CROCC: variants seen among roughly 807,000 people sequenced by gnomAD.
CROCC encodes rootletin.
CROCC carries 180 observed loss-of-function variants against 245.2 expected under a neutral mutation model. The observed-to-expected ratio is 0.73, with a 90% CI of 0.65 to 0.83. CROCC has a LOEUF of 0.83. Ranked by LOEUF, CROCC falls within the 40% of genes least tolerant of loss-of-function variation. The pLI is 0.00. For synonymous variants in CROCC, 1,205 were observed against 1,241.6 expected, an observed-to-expected ratio of 0.97 and a Z score of 0.62; for missense variants, 2,688 against 2,779.4, an observed-to-expected ratio of 0.97 and a Z score of 0.74.
chr1:16,946,185 G>A, intron 15 of CROCC, 74 bp from the exon 16 acceptor site: 1 of 1,511,648 alleles, frequency 6.6e-7, no homozygotes, highest in African/African-American at 1.4e-5. Context: ...CATCTCTCTG[G>A]GTCTCTTCTT....
chr1:16,941,688 C>A (rs1159285135), intron 13 of CROCC, among the ~76,000 whole-genome samples: 1 of 151,010 alleles, frequency 6.6e-6, no homozygotes, highest in East Asian at 2.0e-4. Context: ...GCCGAGATGG[C>A]GCCACTGCAC....
At chr1:16,965,913 C>A (rs1034162576) in intron 28 of CROCC, 21 bp downstream of exon 28, 1 of 1,606,822 alleles carries the variant, frequency 6.2e-7, no homozygotes, top group Non-Finnish European at 8.5e-7. Flanking sequence ...GTGTGCATGG[C>A]TGGATGGGGA....
rs772389495 is a variant in CROCC, at chr1:16,936,779, C to G, written c.1099C>G (p.Leu367Val). The G allele has an allele frequency of 6.2e-7, 1 of 1,611,822 alleles. No individual in the cohort carries two copies. Among genetic ancestry groups the G allele is most frequent in the South Asian group, 1.1e-5 (1 of 90,998 alleles). ...LEKQALLQAQ[L>V]EEQLRDKVLR... The stretch of plus-strand genomic sequence containing the variant: ...GAAACAGGCCCTGCTGCAGGCCCAG[C>G]TGGAGGAGCAGCTGCGGGACAAGGT... The change falls in exon 9 of 37, where the codon CTG becomes GTG. Residue 367 changes from leucine (L) to valine (V), a missense_variant. Physicochemically the swap from Leu to Val is conservative, Grantham distance 32. This residue lies in a region of CROCC where 972 missense variants were observed against 895.3 expected (regional missense o/e 1.09). Transcript: ENST00000375541.
chr1:16,954,824 C>A lies in CROCC; in HGVS notation c.3412C>A (p.Leu1138Met). The change falls in exon 23 of 37, where the codon CTG becomes ATG. Residue 1138 changes from leucine to methionine, a missense_variant. Physicochemically the swap from Leu to Met is conservative, Grantham distance 15. Around this residue, in one of 9 missense-constraint regions of CROCC, gnomAD observed 1,218 missense variants for 1,286.3 expected, o/e 0.95. Transcript: ENST00000375541. This position sits in a 1 kb window ranked among gnomAD's most constrained non-coding sequence, Gnocchi z 4.4. ...GGCCCACGCCCAGGAGGTGAGGAGG[C>A]TGCAAGAGCAGGCCCGAGACCTGGG... Reference protein sequence around the residue: ...AAAHAQEVRRLQEQARDLGKQ... With the variant: ...AAAHAQEVRRMQEQARDLGKQ... The A allele has an allele frequency of 6.4e-7, 1 of 1,551,370 alleles. No individual in the cohort carries two copies. Among genetic ancestry groups the A allele is most frequent in the Non-Finnish European group, 8.7e-7 (1 of 1,147,062 alleles).
upstream of CROCC, among the ~76,000 whole-genome samples, chr1:16,920,005 C>T (rs1324437672): frequency 6.6e-6 from 1 of 152,208 alleles, no homozygotes; most frequent in Non-Finnish European, 1.5e-5. Context: ...GATTCCCCTG[C>T]CTCAGCCTCC....
At chr1:16,967,788 G>A (rs142263904) in intron 30 of CROCC, among the ~76,000 whole-genome samples, 3 of 152,246 alleles carry the variant, frequency 2.0e-5, no homozygotes, top group Admixed American at 6.5e-5. Context: ...AGAACTGTCC[G>A]GCTCAGCTCA....
intron 17 of CROCC, among the ~76,000 whole-genome samples, chr1:16,947,292 C>T (rs1227386110): frequency 6.6e-6 from 1 of 152,246 alleles, no homozygotes; most frequent in African/African-American, 2.4e-5. Context: ...TCCTGGCTAA[C>T]ACGGTGAAAC....
chr1:16,969,758 C>G, intron 32 of CROCC, 27 bp from the exon 33 acceptor site: 3 of 1,601,572 alleles, frequency 1.9e-6, no homozygotes. Context: ...CCAGGCCAGC[C>G]AGGCACCATC....
upstream of CROCC, among the ~76,000 whole-genome samples, chr1:16,917,240 C>T (rs2075317236): frequency 6.6e-6 from 1 of 152,308 alleles, no homozygotes; most frequent in Non-Finnish European, 1.5e-5. Flanking sequence ...GCTGAGACTT[C>T]ACGCTGTCAT....
intron 1 of CROCC, among the ~76,000 whole-genome samples, chr1:16,915,119 G>A (rs563579852): frequency 6.6e-6 from 1 of 152,266 alleles, no homozygotes; most frequent in African/African-American, 2.4e-5. Context: ...AGTGGCCCCT[G>A]TGGGGGTCAC....
chr1:16,921,821 C>G (rs1312781435), upstream of CROCC: 1 of 601,216 alleles, frequency 1.7e-6, no homozygotes, highest in Non-Finnish European at 3.0e-6. Flanking sequence ...CTTCCCTCCT[C>G]TCCTGTCCTT....
intron 14 of CROCC, among the ~76,000 whole-genome samples, chr1:16,944,894 T>C (rs1162372030): frequency 6.6e-6 from 1 of 152,224 alleles, no homozygotes; most frequent in East Asian, 1.9e-4. Flanking sequence ...TGAAGGTCCT[T>C]GGGGAGATGT....
intron 1 of CROCC, among the ~76,000 whole-genome samples, chr1:16,915,224 A>G (rs552366866): frequency 1.3e-4 from 20 of 152,402 alleles, no homozygotes; most frequent in Admixed American, 1.2e-3. Flanking sequence ...TGTGGCTGAC[A>G]CCATCTGTGG....
In CROCC at chr1:16,972,620, G is replaced by A. The variant is rs1476247532; in HGVS notation, c.*174G>A. 2 of 540,110 alleles carry A rather than the reference G, an allele frequency of 3.7e-6. No homozygotes were observed. Among genetic ancestry groups the A allele is most frequent in the African/African-American group, 2.0e-5 (1 of 50,668 alleles). The allele number at this position is 540,110 out of a possible 1,614,324, so 33.5% of individuals were successfully genotyped here. ...GTACTCCAGCTCCAGGCCTGGAGAG[G>A]CTTCCCAGCAACACCTGCAGTCCAG... On this transcript the variant is annotated 3_prime_UTR_variant, in exon 37 of 37. Coordinates refer to ENST00000375541, the MANE Select transcript of CROCC (RefSeq NM_014675.5).
rs774050201 is a variant in CROCC at position 16,936,844 on chromosome 1, C to T, written c.1164C>T (p.Ser388=). Residue 388 remains serine, a synonymous_variant, in exon 9 of 37, where the codon AGC becomes AGT. Transcript: ENST00000375541. ...ACCTGGCGCAGCAGCAGATGCAAAG[C>T]GACCTGGACAAGGCTGACCTCAGTG... ...EKDLAQQQMQ[S]DLDKADLSAR... is the part of the protein sequence containing the mutation. 30 of 1,612,180 alleles carry T rather than the reference C, an allele frequency of 1.9e-5. No homozygotes were observed. Among genetic ancestry groups the T allele is most frequent in the African/African-American group, 2.7e-5 (2 of 75,054 alleles).
chr1:16,969,736 TC>T (rs1557645940), intron 32 of CROCC, 48 bp from the exon 33 acceptor site: 2 of 1,577,240 alleles, frequency 1.3e-6, no homozygotes, highest in Admixed American at 1.8e-5. Flanking sequence ...TAGAGAGGAC[TC>T]CTTAGGGCTC....
rs1557629616 is a variant in CROCC at position 16,956,095 on chromosome 1, T to A, written c.3803T>A (p.Leu1268Gln). ...GKEAGELRTG[L>Q]QEVERSRLEA... ...GAGGCCGGGGAGCTGCGAACTGGGC[T>A]GCAGGAGGTGGAGCGCTCACGGCTG... Residue 1268 changes from leucine to glutamine, a missense_variant, in exon 25 of 37, where the codon CTG becomes CAG. Around this residue, in one of 9 missense-constraint regions of CROCC, gnomAD observed 1,218 missense variants for 1,286.3 expected, o/e 0.95. Transcript: ENST00000375541. The A allele has an allele frequency of 6.4e-7, 1 of 1,550,906 alleles. No individual in the cohort carries two copies. The highest frequency in any genetic ancestry group is 2.0e-5 in the Admixed American group (1 of 50,972).
upstream of CROCC, among the ~76,000 whole-genome samples, chr1:16,921,464 C>G (rs1367938088): frequency 6.6e-6 from 1 of 152,290 alleles, no homozygotes; most frequent in East Asian, 1.9e-4. Flanking sequence ...GGTGATCTCA[C>G]AGCCTGCATT....
chr1:16,933,120 T>G (rs1326163591), intron 8 of CROCC, among the ~76,000 whole-genome samples: 2 of 152,284 alleles, frequency 1.3e-5, no homozygotes, highest in African/African-American at 4.8e-5. Context: ...TTAATAATCT[T>G]TTGTTAATAT....
Sources: allele counts gnomAD v4.1 joint callset (sites outside exome capture counted in the v4.1 genomes callset), GRCh38; gene constraint gnomAD v4.1.1; regional missense constraint gnomAD v4.1.1; non-coding constraint Gnocchi (gnomAD v3.1); transcripts MANE v1.5; gene names NCBI Gene and HGNC (gene_info 2026-07-23, HGNC 2026-07-21).